SOS2: variants seen among roughly 807,000 people sequenced by gnomAD.
The protein encoded by SOS2 is son of sevenless homolog 2.
In SOS2, 65 loss-of-function variants were observed where a neutral mutation model predicts 148.2. The ratio of observed to expected loss-of-function variants is 0.44; its 90% CI spans 0.36 to 0.54. The LOEUF is 0.54. SOS2 is among the 20% of genes least tolerant of loss of function. SOS2 has a pLI of 0.00. For missense variants in SOS2, 1,341 were observed against 1,590.2 expected, an observed-to-expected ratio of 0.84 and a Z score of 2.67; for synonymous variants, 539 against 537.1, an observed-to-expected ratio of 1.00 and a Z score of -0.05.
At chr14:50,129,921 T>C in intron 21 of SOS2, 40 bp downstream of exon 21, 1 of 1,266,128 alleles carries the variant, frequency 7.9e-7, no homozygotes, top group Admixed American at 2.0e-5. Flanking sequence ...TTATTATCTT[T>C]ACAGTCATTT....
intron 1 of SOS2, among the ~76,000 whole-genome samples, chr14:50,212,728 A>C (rs1264675219): frequency 6.6e-6 from 1 of 152,222 alleles, no homozygotes; most frequent in Non-Finnish European, 1.5e-5. Flanking sequence ...ATAAGTCTAA[A>C]GGGCTTTTCT....
In SOS2 at chr14:50,159,533, T is replaced by C; in HGVS notation, c.1750A>G (p.Ile584Val). 1 of 1,613,752 alleles carries C rather than the reference T, an allele frequency of 6.2e-7. No individual in the cohort carries two copies. The highest frequency in any genetic ancestry group is 8.5e-7 in the Non-Finnish European group (1 of 1,179,680). The stretch of plus-strand genomic sequence containing the variant: ...CTTTGCAAGTTGTCTTCAAAAACAA[T>C]GTTTTCCTCAGAGTCTTTTACTACA... The part of the protein sequence containing the change: ...RFVVKDSEEN[I>V]VFEDNLQSRS... Residue 584 changes from isoleucine (I) to valine (V), a missense_variant, in exon 10 of 23, where the codon ATT becomes GTT. By Grantham distance (29) the Ile-to-Val change is conservative. Around this residue, in one of 4 missense-constraint regions of SOS2, gnomAD observed 574 missense variants for 711.1 expected, o/e 0.81. Transcript: ENST00000216373.
chr14:50,121,808 G>A (rs1005775971), intron 21 of SOS2, among the ~76,000 whole-genome samples: 6 of 152,238 alleles, frequency 3.9e-5, no homozygotes, highest in Non-Finnish European at 8.8e-5. Flanking sequence ...TTGGCAGATG[G>A]TGTGGGGAGG....
intron 14 of SOS2, among the ~76,000 whole-genome samples, chr14:50,146,322 A>G (rs1225679617): frequency 6.6e-6 from 1 of 151,998 alleles, no homozygotes; most frequent in Admixed American, 6.6e-5. Context: ...ACTCTTAAGT[A>G]TGCATATACC....
intron 19 of SOS2, among the ~76,000 whole-genome samples, chr14:50,132,048 C>T (rs1331413968): frequency 2.0e-5 from 3 of 152,102 alleles, no homozygotes; most frequent in Non-Finnish European, 2.9e-5. Flanking sequence ...AAGAGCAAAA[C>T]TTTCAATGAA....
intron 4 of SOS2, among the ~76,000 whole-genome samples, chr14:50,199,320 T>C (rs1353426304): frequency 2.6e-5 from 4 of 152,226 alleles, no homozygotes; most frequent in Non-Finnish European, 5.9e-5. Context: ...TTCTCTCCCC[T>C]GTGCCTCACT....
intron 1 of SOS2, chr14:50,230,954 G>A: frequency 4.8e-6 from 5 of 1,045,952 alleles, no homozygotes; most frequent in East Asian, 4.2e-5. Flanking sequence ...CTGACGAAAT[G>A]ACTGCAACAT....
intron 21 of SOS2, 125 bp downstream of exon 21, chr14:50,129,836 A>T (rs753702955): frequency 4.3e-5 from 26 of 602,170 alleles, no homozygotes; most frequent in Non-Finnish European, 6.8e-5. Context: ...GTAAGCAAAT[A>T]ATTAAATTTA....
chr14:50,200,901 A>G, intron 3 of SOS2, 52 bp downstream of exon 3: 1 of 1,550,948 alleles, frequency 6.4e-7, no homozygotes, highest in Non-Finnish European at 8.9e-7. Context: ...TAGAAATAAA[A>G]TATTACTTGT....
At chr14:50,132,680 CAAAA>C (rs1883919813) in intron 19 of SOS2, among the ~76,000 whole-genome samples, 1 of 151,868 alleles carries the variant, frequency 6.6e-6, no homozygotes. Flanking sequence ...AAAACAAAAA[CAAAA>C]AGAAAGGTCA....
chr14:50,191,433 C>T (rs191682618), intron 4 of SOS2, among the ~76,000 whole-genome samples: 2 of 152,208 alleles, frequency 1.3e-5, no homozygotes, highest in East Asian at 1.9e-4. Context: ...TGTACCACCA[C>T]ATTCTAGCCT....
At chr14:50,119,523 A>T (rs1242921306) in intron 22 of SOS2, among the ~76,000 whole-genome samples, 1 of 151,298 alleles carries the variant, frequency 6.6e-6, no homozygotes, top group South Asian at 2.1e-4. Context: ...CCTCTTTTTT[A>T]TTTTTTTATT....
chr14:50,164,442 G>A (rs954638497), intron 8 of SOS2, among the ~76,000 whole-genome samples: 2 of 150,918 alleles, frequency 1.3e-5, no homozygotes, highest in African/African-American at 4.9e-5. Flanking sequence ...TCTGTCCCCC[G>A]CAAAAAAATG....
At chr14:50,191,679 A>G (rs1282282528) in intron 4 of SOS2, among the ~76,000 whole-genome samples, 1 of 152,186 alleles carries the variant, frequency 6.6e-6, no homozygotes, top group South Asian at 2.1e-4. Context: ...ACATTATAAT[A>G]TATAAGAAAC....
intron 8 of SOS2, among the ~76,000 whole-genome samples, chr14:50,161,907 C>T (rs925572756): frequency 7.9e-5 from 12 of 151,668 alleles, no homozygotes; most frequent in African/African-American, 2.9e-4. Flanking sequence ...AATGCCACCA[C>T]ACCCAGCTAA....
intron 1 of SOS2, chr14:50,215,474 T>C: frequency 8.0e-7 from 1 of 1,245,220 alleles, no homozygotes; most frequent in Non-Finnish European, 1.0e-6. Flanking sequence ...ACAGAACCAA[T>C]TTGCCTATCA....
Position 50,118,267 on chromosome 14 carries a change from T to G in SOS2, c.*77A>C. ...TTATTTGTAAAAAGTACTAAAATACTATGTCTTTTTTTGAATAAATTAAAA... is the reference window on the plus strand; with the variant it reads ...TTATTTGTAAAAAGTACTAAAATACGATGTCTTTTTTTGAATAAATTAAAA... On this transcript the variant is annotated 3_prime_UTR_variant, in exon 23 of 23. Transcript: ENST00000216373. 1 of 1,196,828 alleles carries G rather than the reference T, an allele frequency of 8.4e-7. No individual in the cohort carries two copies. The highest frequency in any genetic ancestry group is 2.4e-5 in the East Asian group (1 of 41,238). The allele number at this position is 1,196,828 out of a possible 1,614,324, so 74.1% of individuals were successfully genotyped here.
chr14:50,130,808 C>T, intron 19 of SOS2, 46 bp from the exon 20 acceptor site: 1 of 1,535,642 alleles, frequency 6.5e-7, no homozygotes, highest in Non-Finnish European at 8.8e-7. Context: ...GCATAGACAA[C>T]AATTTGTTTC....
rs188006976 is a variant in SOS2 at position 50,143,283 on chromosome 14, C to T, written c.2667+1887G>A. On this transcript the variant is annotated intron_variant, in intron 16 of 22. Coordinates refer to ENST00000216373, the MANE Select transcript of SOS2 (RefSeq NM_006939.4). ...GAGACTGCAGTGGGCTATGATCATG[C>T]CACTGGCACTCCAGCCTGGGTGACA... 1.8e-4 allele frequency among the ~76,000 whole-genome samples: 27 copies of T among 150,054 alleles called. No individual in the cohort carries two copies. In the East Asian group the frequency reaches 4.9e-3, roughly 27 times the overall value.
Sources: allele counts gnomAD v4.1 joint callset (sites outside exome capture counted in the v4.1 genomes callset), GRCh38; gene constraint gnomAD v4.1.1; regional missense constraint gnomAD v4.1.1; transcripts MANE v1.5; gene names NCBI Gene and HGNC (gene_info 2026-07-23, HGNC 2026-07-21).